EDA: variants seen among roughly 807,000 people sequenced by gnomAD.
EDA encodes ectodysplasin A, also known as ectodysplasin-A.
In EDA, 2 loss-of-function variants were observed where a neutral mutation model predicts 23.6. The ratio of observed to expected loss-of-function variants is 0.08; its 90% CI spans 0.03 to 0.27. The LOEUF (loss-of-function observed/expected upper bound fraction) is 0.27. EDA is among the 10% of genes least tolerant of loss of function. EDA has a pLI of 1.00. For missense variants in EDA, 229 were observed against 324.2 expected (o/e 0.71, Z 2.26); for synonymous variants, 131 against 132.0 (o/e 0.99, Z 0.05).
At chrX:69,616,872 C>T (rs771519200) in intron 1 of EDA, 168 bp downstream of exon 1, 6 of 655,209 alleles carry the variant, frequency 9.2e-6, no homozygotes, top group East Asian at 3.6e-5. Context: ...AGGTTGTCTT[C>T]GGTCCCTGGC....
intron 1 of EDA, among the ~76,000 whole-genome samples, chrX:69,832,178 A>G (rs2147542214): frequency 8.9e-6 from 1 of 111,939 alleles, no homozygotes; most frequent in African/African-American, 3.2e-5. Context: ...TAGGTCTAAC[A>G]TTTAAGTCTT....
chrX:69,704,381 G>A (rs760131497), intron 1 of EDA, among the ~76,000 whole-genome samples: 1 of 111,985 alleles, frequency 8.9e-6, no homozygotes, highest in South Asian at 3.7e-4. Flanking sequence ...CCTCCAGGTA[G>A]CAGAGGTAAC....
chrX:69,967,308 A>C (rs773418247), intron 2 of EDA, among the ~76,000 whole-genome samples: 1 of 111,291 alleles, frequency 9.0e-6, no homozygotes, highest in Non-Finnish European at 1.9e-5. Flanking sequence ...TTGAGTTCCT[A>C]GGTAGAAAAA....
intron 1 of EDA, among the ~76,000 whole-genome samples, chrX:69,675,183 A>G (rs1248338142): frequency 9.0e-6 from 1 of 110,578 alleles, no homozygotes; most frequent in Non-Finnish European, 1.9e-5. Flanking sequence ...GTGTTGCTGT[A>G]TTGCCCAGGC....
intron 1 of EDA, among the ~76,000 whole-genome samples, chrX:69,929,206 G>T (rs1364114948): frequency 9.0e-6 from 1 of 111,395 alleles, no homozygotes; most frequent in Admixed American, 9.6e-5. Context: ...ACTGGCAAGT[G>T]CTCAAGGATT....
chrX:69,860,178 C>T (rs765224416), intron 1 of EDA, among the ~76,000 whole-genome samples: 1 of 111,186 alleles, frequency 9.0e-6, no homozygotes, highest in East Asian at 2.8e-4. Context: ...GGCTCTTTAT[C>T]CAGCTTGCCA....
At chrX:69,692,146 T>C (rs1934728354) in intron 1 of EDA, among the ~76,000 whole-genome samples, 1 of 111,826 alleles carries the variant, frequency 8.9e-6, no homozygotes, top group Non-Finnish European at 1.9e-5. Flanking sequence ...GAAGATGTTA[T>C]GGTACCTCAC....
intron 1 of EDA, among the ~76,000 whole-genome samples, chrX:69,789,826 T>C (rs972419003): frequency 1.8e-5 from 2 of 112,339 alleles, no homozygotes; most frequent in African/African-American, 6.5e-5. Context: ...CTAATATAGC[T>C]TAACATTCCA....
intron 1 of EDA, among the ~76,000 whole-genome samples, chrX:69,804,508 G>C (rs1444632803): frequency 9.0e-6 from 1 of 110,679 alleles, no homozygotes; most frequent in Non-Finnish European, 1.9e-5. Context: ...TCCTTCTCTT[G>C]TGAAGACAAA....
intron 1 of EDA, among the ~76,000 whole-genome samples, chrX:69,698,819 T>C (rs2011447319): frequency 9.0e-6 from 1 of 110,845 alleles, no homozygotes; most frequent in Non-Finnish European, 1.9e-5. Context: ...CCTTGGGTAA[T>C]TTGGCTGATA....
At chrX:69,753,061 TG>T (rs2013954818) in intron 1 of EDA, among the ~76,000 whole-genome samples, 1 of 112,064 alleles carries the variant, frequency 8.9e-6, no homozygotes, top group Non-Finnish European at 1.9e-5. Flanking sequence ...AAGGGTTTTT[TG>T]TGTCTCTATC....
In EDA at chrX:69,719,106, C is replaced by T. The variant is rs757066795; in HGVS notation, c.396+102402C>T. 3.6e-5 allele frequency among the ~76,000 whole-genome samples: 4 copies of T among 110,524 alleles called. No individual in the cohort carries two copies. The South Asian group carries it at 1.1e-3, about 31-fold the overall frequency. Reference sequence around the variant, plus strand: ...AGCATAAAGTTATTCATAGTATGCCCTTATATTTTTAATGGTTGTAGGATC... The same window carrying T: ...AGCATAAAGTTATTCATAGTATGCCTTTATATTTTTAATGGTTGTAGGATC... On this transcript the variant is annotated intron_variant, in intron 1 of 7. Transcript: ENST00000374552.
rs761403541 is a variant in EDA at position 69,645,584 on chromosome X, T to TTA, written c.396+28888_396+28889dup. ...GGTTGCTCTTAGTTCTCTAGTTCTT[T>TTA]TATATATATGTGTGTGTGTATATAT... is the stretch of plus-strand genomic sequence containing the variant. On this transcript the variant is annotated intron_variant, in intron 1 of 7. Coordinates refer to ENST00000374552, the MANE Select transcript of EDA (RefSeq NM_001399.5). Among the ~76,000 whole-genome samples, 18 of 54,366 alleles carry TTA rather than the reference T, an allele frequency of 3.3e-4. 2 individuals are homozygous for TTA. The South Asian group carries it at 5.1e-3, about 15-fold the overall frequency. The allele number at this position is 54,366 out of a possible 115,157, so 47.2% of individuals were successfully genotyped here.
At chrX:69,643,335 GTAAACA>G (rs1207531530) in intron 1 of EDA, among the ~76,000 whole-genome samples, 1 of 110,217 alleles carries the variant, frequency 9.1e-6, no homozygotes, top group East Asian at 2.8e-4. Flanking sequence ...TGTTACATGG[GTAAACA>G]TGTGCCACGG....
intron 1 of EDA, among the ~76,000 whole-genome samples, chrX:69,846,314 A>G (rs756064872): frequency 2.2e-3 from 245 of 110,088 alleles, no homozygotes; most frequent in African/African-American, 7.6e-3. Flanking sequence ...TTGTTTTTTG[A>G]GACAGAGGCT....
At chrX:69,681,657 T>C (rs1934356556) in intron 1 of EDA, among the ~76,000 whole-genome samples, 1 of 110,768 alleles carries the variant, frequency 9.0e-6, no homozygotes, top group African/African-American at 3.3e-5. Flanking sequence ...TCTCGAGCCT[T>C]GGTTTTCAGC....
chrX:69,625,455 G>A (rs1192137180), intron 1 of EDA, among the ~76,000 whole-genome samples: 1 of 111,145 alleles, frequency 9.0e-6, no homozygotes, highest in Admixed American at 9.6e-5. Context: ...TCAAGACAGG[G>A]TGGTTCTGGC....
At chrX:69,638,972 T>A (rs1932809381) in intron 1 of EDA, among the ~76,000 whole-genome samples, 1 of 106,794 alleles carries the variant, frequency 9.4e-6, no homozygotes, top group South Asian at 4.4e-4. Flanking sequence ...TTAATCTAAC[T>A]TTTTTTCTGT....
chrX:70,010,988 G>A (rs982961904), intron 2 of EDA, among the ~76,000 whole-genome samples: 8 of 111,751 alleles, frequency 7.2e-5, no homozygotes, highest in Admixed American at 6.6e-4. Flanking sequence ...GATTGGGGAC[G>A]CAGCCAAACT....
Sources: allele counts gnomAD v4.1 joint callset (sites outside exome capture counted in the v4.1 genomes callset), GRCh38; gene constraint gnomAD v4.1.1; transcripts MANE v1.5; gene names NCBI Gene and HGNC (gene_info 2026-07-23, HGNC 2026-07-21).